Variants in TRIO observed in about 807,000 individuals in gnomAD.
TRIO encodes the protein triple functional domain protein.
A neutral mutation model predicts 351.9 loss-of-function variants in TRIO; 58 were observed. That is an observed-to-expected ratio of 0.16 (90% confidence interval 0.13 to 0.21). TRIO has a LOEUF of 0.21. Ranked by LOEUF, TRIO falls within the 10% of genes least tolerant of loss-of-function variation. The pLI is 1.00. For synonymous variants in TRIO, 1,758 were observed against 1,595.7 expected, an observed-to-expected ratio of 1.10 and a Z score of -2.42; for missense variants, 3,201 against 4,027.8, an observed-to-expected ratio of 0.79 and a Z score of 5.56.
intron 11 of TRIO, among the ~76,000 whole-genome samples, chr5:14,342,282 G>A (rs985458505): frequency 6.6e-6 from 1 of 152,178 alleles, no homozygotes; most frequent in African/African-American, 2.4e-5. Context: ...CATACCCAGT[G>A]CTCTCTCAAG....
At chr5:14,416,627 T>G (rs990586090) in intron 33 of TRIO, among the ~76,000 whole-genome samples, 2 of 152,356 alleles carry the variant, frequency 1.3e-5, no homozygotes, top group Non-Finnish European at 1.5e-5. Context: ...TCTTATGTGC[T>G]GTCAAGTACA....
chr5:14,489,985 A>G (rs569268921), intron 48 of TRIO, among the ~76,000 whole-genome samples: 9 of 152,306 alleles, frequency 5.9e-5, no homozygotes, highest in African/African-American at 2.2e-4. Flanking sequence ...GGGGCTTTAA[A>G]AATGCCCTCT....
At chr5:14,322,119 C>T (rs1432926217) in intron 9 of TRIO, among the ~76,000 whole-genome samples, 1 of 152,122 alleles carries the variant, frequency 6.6e-6, no homozygotes, top group Non-Finnish European at 1.5e-5. Flanking sequence ...AGACAGCCAT[C>T]AGTGTTTCAT....
intron 1 of TRIO, among the ~76,000 whole-genome samples, chr5:14,191,349 T>C (rs1050630974): frequency 1.3e-5 from 2 of 152,132 alleles, no homozygotes; most frequent in Non-Finnish European, 2.9e-5. Context: ...CCTAGTGCTT[T>C]GGGAGGCTGA....
chr5:14,508,406 T>C lies in TRIO; in HGVS notation c.9278T>C (p.Leu3093Pro). ...ATTAAAAACTTTCTGCAGAGCAGGC[T>C]TCTGCCTAGAGTTTGACCTATCCAG... Reference protein sequence around the residue: ...RSIKNFLQSRLLPRV With the variant: ...RSIKNFLQSRPLPRV Residue 3093 changes from leucine (L) to proline (P), a missense_variant, in exon 57 of 57, where the codon CTT (leucine) becomes CCT (proline). Around this residue, in one of 19 missense-constraint regions of TRIO, gnomAD observed 233 missense variants for 292.6 expected, o/e 0.80. Transcript: ENST00000344204. 1 of 1,609,436 alleles carries C rather than the reference T, an allele frequency of 6.2e-7. No individual in the cohort carries two copies.
chr5:14,260,140 G>A (rs985824602), intron 1 of TRIO, among the ~76,000 whole-genome samples: 1 of 152,182 alleles, frequency 6.6e-6, no homozygotes, highest in Non-Finnish European at 1.5e-5. Context: ...TCCACAGCAA[G>A]CGTTTCCAAC....
chr5:14,492,911 A>C, intron 49 of TRIO, 97 bp downstream of exon 49: 1 of 1,531,926 alleles, frequency 6.5e-7, no homozygotes, highest in Non-Finnish European at 8.8e-7. Context: ...AGCATGTGGA[A>C]GGGAGATCTG....
intron 1 of TRIO, among the ~76,000 whole-genome samples, chr5:14,241,207 A>AC (rs762862351): frequency 6.6e-6 from 1 of 152,154 alleles, no homozygotes; most frequent in Non-Finnish European, 1.5e-5. Flanking sequence ...TCCCATATGA[A>AC]CTACAAGTAT....
chr5:14,181,646 A>G (rs1789775284), intron 1 of TRIO, among the ~76,000 whole-genome samples: 1 of 152,202 alleles, frequency 6.6e-6, no homozygotes, highest in Non-Finnish European at 1.5e-5. Context: ...TGCACTGCAG[A>G]AATCCTTTGA....
intron 1 of TRIO, among the ~76,000 whole-genome samples, chr5:14,191,612 C>T (rs1790462589): frequency 2.0e-5 from 3 of 150,976 alleles, no homozygotes; most frequent in South Asian, 2.1e-4. Flanking sequence ...GCAAACTGTC[C>T]ACTTATTTTC....
intron 31 of TRIO, among the ~76,000 whole-genome samples, chr5:14,402,257 G>T (rs1407914537): frequency 6.6e-6 from 1 of 152,176 alleles, no homozygotes; most frequent in Non-Finnish European, 1.5e-5. Context: ...ATGCCAAAAG[G>T]TGCTTCCAAA....
rs1258921831 is a variant in TRIO at position 14,508,197 on chromosome 5, C to G, written c.9069C>G (p.Ala3023=). Residue 3023 remains alanine (A), a synonymous_variant, in exon 57 of 57, where the codon GCC becomes GCG. Coordinates refer to ENST00000344204, the MANE Select transcript of TRIO (RefSeq NM_007118.4). The stretch of plus-strand genomic sequence containing the variant: ...ACTTTAAAGGAGTGAGCCAGAAGGC[C>G]AAGGAGTTCGTGTGCTTCCTCCTGC... The part of the protein sequence containing the change: ...DDYFKGVSQK[A]KEFVCFLLQE... 1 of 1,614,114 alleles carries G rather than the reference C, an allele frequency of 6.2e-7. No individual in the cohort carries two copies. The highest frequency in any genetic ancestry group is 8.5e-7 in the Non-Finnish European group (1 of 1,180,026).
chr5:14,264,751 TGA>T (rs991474526), intron 1 of TRIO, among the ~76,000 whole-genome samples: 2 of 152,334 alleles, frequency 1.3e-5, no homozygotes, highest in Admixed American at 1.3e-4. Context: ...CTCCCTGTGC[TGA>T]GAGTATAATC....
At chr5:14,471,884 T>C (rs779806464) in intron 38 of TRIO, among the ~76,000 whole-genome samples, 16 of 151,378 alleles carry the variant, frequency 1.1e-4, no homozygotes, top group Non-Finnish European at 2.1e-4. Flanking sequence ...TCCTGAAAAA[T>C]GTTACAAAAG....
chr5:14,388,687 A>C lies in TRIO; in HGVS notation c.3948+8A>C, dbSNP rs1746770366. ...CTCCGGGAATGTATGGATGTAAGTA[A>C]GTTTTTTTTTTTTTTTTTTGCTTGT... On this transcript the variant is annotated splice_region_variant and intron_variant, in intron 24 of 56. Transcript: ENST00000344204. 2 of 1,463,266 alleles carry C rather than the reference A, an allele frequency of 1.4e-6. No homozygotes were observed. The highest frequency in any genetic ancestry group is 1.7e-5 in the African/African-American group (1 of 59,036). 90.6% of individuals were successfully genotyped at this position (1,463,266 alleles called of 1,614,324 possible).
chr5:14,165,799 A>G (rs1235855627), intron 1 of TRIO, among the ~76,000 whole-genome samples: 2 of 152,042 alleles, frequency 1.3e-5, no homozygotes, highest in Non-Finnish European at 2.9e-5. Flanking sequence ...AGTGAACTCT[A>G]CCGGTGGTGT....
intron 1 of TRIO, among the ~76,000 whole-genome samples, chr5:14,193,179 T>C (rs1037426500): frequency 3.3e-5 from 5 of 152,368 alleles, no homozygotes; most frequent in Admixed American, 6.5e-5. Flanking sequence ...TATTAAAATA[T>C]GTGTAGTAGA....
chr5:14,214,931 A>T (rs1792128225), intron 1 of TRIO, among the ~76,000 whole-genome samples: 2 of 152,208 alleles, frequency 1.3e-5, no homozygotes, highest in African/African-American at 4.8e-5. Context: ...GTTTAAAAAA[A>T]TTGTGTTGAA....
intron 34 of TRIO, among the ~76,000 whole-genome samples, chr5:14,453,710 T>C (rs1753016135): frequency 6.6e-6 from 1 of 152,196 alleles, no homozygotes; most frequent in Non-Finnish European, 1.5e-5. Context: ...ACATCCCTTA[T>C]GGATCATCCA....
Sources: allele counts gnomAD v4.1 joint callset (sites outside exome capture counted in the v4.1 genomes callset), GRCh38; gene constraint gnomAD v4.1.1; regional missense constraint gnomAD v4.1.1; transcripts MANE v1.5; gene names NCBI Gene and HGNC (gene_info 2026-07-23, HGNC 2026-07-21).